METTL9: variants seen among roughly 807,000 people sequenced by gnomAD.
METTL9 encodes the protein protein-L-histidine N-pros-methyltransferase.
A neutral mutation model predicts 36.0 loss-of-function variants in METTL9; 10 were observed. The observed-to-expected ratio is 0.28, with a 90% CI of 0.17 to 0.47. METTL9 has a LOEUF of 0.47. Ranked by LOEUF, METTL9 falls within the 20% of genes least tolerant of loss-of-function variation. The pLI is 0.99. For missense variants in METTL9, 246 were observed against 383.5 expected, an observed-to-expected ratio of 0.64 and a Z score of 3.00; for synonymous variants, 175 against 149.7, an observed-to-expected ratio of 1.17 and a Z score of -1.23.
chr16:21,604,766 C>A lies in METTL9; in HGVS notation c.165+4868C>A, dbSNP rs1597738928. On this transcript the variant is annotated intron_variant, in intron 1 of 4. Transcript: ENST00000358154. ...CTGTTGATGGAGTTGGTCTGGCCAA[C>A]TTAGAAAAGATTCTGTGTTCATAGA... 2.0e-5 allele frequency among the ~76,000 whole-genome samples: 3 copies of A among 152,294 alleles called. No individual in the cohort carries two copies. The South Asian group carries it at 6.2e-4, about 32-fold the overall frequency.
chr16:21,610,226 C>CA (rs1567327160), intron 1 of METTL9, among the ~76,000 whole-genome samples: 2 of 152,240 alleles, frequency 1.3e-5, no homozygotes, highest in Non-Finnish European at 2.9e-5. Context: ...CAAGACATTT[C>CA]ACGTAAGTGG....
At chr16:21,650,796 C>G (rs1052417138) in intron 4 of METTL9, among the ~76,000 whole-genome samples, 2 of 152,162 alleles carry the variant, frequency 1.3e-5, no homozygotes, top group African/African-American at 4.8e-5. Flanking sequence ...ACACCACAGC[C>G]TGCTTCTGTG....
At chr16:21,643,924 TTGTTCTTAAAGAC>T (rs779746902) in intron 4 of METTL9, among the ~76,000 whole-genome samples, 29 of 152,196 alleles carry the variant, frequency 1.9e-4, no homozygotes, top group Non-Finnish European at 3.2e-4. Context: ...CAACCCATTT[TTGTTCTTAAAGAC>T]TGTTCTTAAG....
At chr16:21,649,542 C>T (rs1054884002) in intron 4 of METTL9, among the ~76,000 whole-genome samples, 2 of 152,112 alleles carry the variant, frequency 1.3e-5, no homozygotes, top group Non-Finnish European at 2.9e-5. Flanking sequence ...CTTACAAGTA[C>T]AGTGAAACAT....
At chr16:21,643,190 G>T in intron 4 of METTL9, 1 of 1,486,442 alleles carries the variant, frequency 6.7e-7, no homozygotes. Context: ...ATTCTCTTTT[G>T]GGAATATAAG....
chr16:21,607,925 G>C (rs1455178025), intron 1 of METTL9, among the ~76,000 whole-genome samples: 1 of 152,192 alleles, frequency 6.6e-6, no homozygotes, highest in Non-Finnish European at 1.5e-5. Flanking sequence ...GAGGCAGGCA[G>C]ATCACCTGAG....
chr16:21,605,254 C>CTTTTTTTTT (rs1555488566), intron 1 of METTL9, among the ~76,000 whole-genome samples: 1 of 41,796 alleles, frequency 2.4e-5, no homozygotes, highest in African/African-American at 8.9e-5. Context: ...ATAGGCTTGC[C>CTTTTTTTTT]TTCTTTTTTT....
intron 2 of METTL9, among the ~76,000 whole-genome samples, chr16:21,615,169 A>C (rs1341183213): frequency 6.6e-6 from 1 of 152,122 alleles, no homozygotes; most frequent in African/African-American, 2.4e-5. Context: ...CTTTTTGTAG[A>C]GCCCCTGTTG....
At chr16:21,612,934 T>C in intron 2 of METTL9, 99 bp downstream of exon 2, 3 of 1,032,390 alleles carry the variant, frequency 2.9e-6, no homozygotes, top group Non-Finnish European at 4.1e-6. Context: ...GTTGACTACC[T>C]GAGCTACAAT....
chr16:21,608,822 T>A (rs1597742641), intron 1 of METTL9, among the ~76,000 whole-genome samples: 1 of 152,326 alleles, frequency 6.6e-6, no homozygotes, highest in East Asian at 1.9e-4. Flanking sequence ...CCAGATTATC[T>A]TTTCTCTACA....
intron 4 of METTL9, among the ~76,000 whole-genome samples, chr16:21,651,210 G>A (rs1966566531): frequency 6.6e-6 from 1 of 152,124 alleles, no homozygotes. Context: ...GTGACAGAGC[G>A]AGACTCCGTC....
At chr16:21,614,970 A>T (rs576938512) in intron 2 of METTL9, among the ~76,000 whole-genome samples, 1 of 152,124 alleles carries the variant, frequency 6.6e-6, no homozygotes, top group South Asian at 2.1e-4. Context: ...ATTGTGCGAG[A>T]CTGCCCCCCA....
At chr16:21,618,110 G>T (rs368870205) in intron 3 of METTL9, 36 bp downstream of exon 3, 1 of 1,384,440 alleles carries the variant, frequency 7.2e-7, no homozygotes, top group East Asian at 2.3e-5. Flanking sequence ...ATTTCTTCTT[G>T]AAAGTATATT....
At chr16:21,616,184 C>T (rs938107487) in intron 2 of METTL9, among the ~76,000 whole-genome samples, 1 of 152,162 alleles carries the variant, frequency 6.6e-6, no homozygotes, top group Non-Finnish European at 1.5e-5. Context: ...CAGAGAGCAG[C>T]AGTACAGAAC....
chr16:21,641,626 A>G, intron 4 of METTL9: 1 of 1,413,410 alleles, frequency 7.1e-7, no homozygotes, highest in Non-Finnish European at 9.9e-7. Flanking sequence ...AGCCATGTTT[A>G]AGGTTATGTA....
intron 4 of METTL9, chr16:21,647,219 G>A (rs1450603029): frequency 6.2e-7 from 1 of 1,614,110 alleles, no homozygotes; most frequent in East Asian, 2.2e-5. Flanking sequence ...GATGTAAATT[G>A]CACTGTCATT....
intron 4 of METTL9, chr16:21,627,260 G>GT: frequency 1.0e-6 from 1 of 984,902 alleles, no homozygotes; most frequent in Non-Finnish European, 1.2e-6. Flanking sequence ...ACTGTTGGAG[G>GT]ATATCTGAGT....
chr16:21,622,862 C>T (rs1381633465), intron 3 of METTL9, among the ~76,000 whole-genome samples: 1 of 152,156 alleles, frequency 6.6e-6, no homozygotes, highest in Admixed American at 6.5e-5. Context: ...TGATGTTTGG[C>T]TTCTGCTTCA....
In METTL9 at chr16:21,613,506, C is replaced by T. The variant is rs117592471; in HGVS notation, c.356+671C>T. Among the ~76,000 whole-genome samples the T allele has an allele frequency of 3.7e-3, 568 of 152,194 alleles. 3 individuals carry two copies. Among genetic ancestry groups the T allele is most frequent in the Non-Finnish European group, 6.6e-3 (451 of 68,006 alleles). On this transcript the variant is annotated intron_variant, in intron 2 of 4. Transcript: ENST00000358154. ...TCTGCATTTTTAACAAGCTCTTAGA[C>T]GATGCCAGTGATGCTGAATGCTGCT...
Sources: allele counts gnomAD v4.1 joint callset (sites outside exome capture counted in the v4.1 genomes callset), GRCh38; gene constraint gnomAD v4.1.1; transcripts MANE v1.5; gene names NCBI Gene and HGNC (gene_info 2026-07-23, HGNC 2026-07-21).